SOX5: variants seen among roughly 807,000 people sequenced by gnomAD.
SOX5 encodes SRY-box transcription factor 5, also known as transcription factor SOX-5.
SOX5 carries 9 observed loss-of-function variants against 92.0 expected under a neutral mutation model. The ratio of observed to expected loss-of-function variants is 0.10; its 90% CI spans 0.06 to 0.17. The LOEUF (loss-of-function observed/expected upper bound fraction) is 0.17, where lower values mean the gene tolerates loss of function less well. SOX5 is among the 10% of genes least tolerant of loss of function. The probability of loss-of-function intolerance (pLI) is 1.00; values close to 1 mark genes in which losing one functional copy is unlikely to be tolerated. For missense variants in SOX5, 642 were observed against 944.5 expected (o/e 0.68, Z 4.20); for synonymous variants, 344 against 336.3 (o/e 1.02, Z -0.25).
At chr12:23,866,672 A>C (rs2096818205) in intron 2 of SOX5, among the ~76,000 whole-genome samples, 1 of 152,132 alleles carries the variant, frequency 6.6e-6, no homozygotes, top group African/African-American at 2.4e-5. Flanking sequence ...TCCTCAATAC[A>C]TTTGAGACTA....
intron 4 of SOX5, among the ~76,000 whole-genome samples, chr12:24,040,042 A>C (rs2136979875): frequency 6.6e-6 from 1 of 152,326 alleles, no homozygotes; most frequent in South Asian, 2.1e-4. Flanking sequence ...AAATTACTTA[A>C]AAATTTAATT....
intron 3 of SOX5, among the ~76,000 whole-genome samples, chr12:23,769,691 C>T (rs763233130): frequency 9.2e-5 from 14 of 152,210 alleles, no homozygotes; most frequent in Non-Finnish European, 1.6e-4. Flanking sequence ...TAATAGGGGC[C>T]GGTCTACAAC....
chr12:24,237,853 G>C (rs1354377409), intron 3 of SOX5: 3 of 152,188 alleles, frequency 2.0e-5, no homozygotes, highest in Non-Finnish European at 2.9e-5. Context: ...TCCTAGGACA[G>C]TGGCAGCTTC....
At chr12:23,603,559 A>C (rs2074845614) in intron 9 of SOX5, among the ~76,000 whole-genome samples, 2 of 150,694 alleles carry the variant, frequency 1.3e-5, no homozygotes, top group South Asian at 4.2e-4. Flanking sequence ...AATCTCAAGG[A>C]ATACTGCTTT....
chr12:24,006,831 T>C (rs185217523), intron 4 of SOX5, among the ~76,000 whole-genome samples: 1 of 152,124 alleles, frequency 6.6e-6, no homozygotes, highest in East Asian at 1.9e-4. Context: ...TCTTAGCTGA[T>C]TGGCATTAAT....
At chr12:24,002,569 G>GTTTTTTTTTTTTTTTGTTCTT (rs1555468917) in intron 4 of SOX5, among the ~76,000 whole-genome samples, 3 of 149,088 alleles carry the variant, frequency 2.0e-5, no homozygotes, top group South Asian at 2.1e-4. Flanking sequence ...AATTGAATTA[G>GTTTTTTTTTTTTTTTGTTCTT]TAATTTTCTT....
chr12:23,874,687 G>T (rs936656403), intron 2 of SOX5, among the ~76,000 whole-genome samples: 9 of 152,170 alleles, frequency 5.9e-5, no homozygotes, highest in African/African-American at 2.2e-4. Context: ...TGAATTCCAA[G>T]AGGCACAGGA....
intron 9 of SOX5, among the ~76,000 whole-genome samples, chr12:23,595,030 C>T (rs889226606): frequency 1.3e-5 from 2 of 152,098 alleles, no homozygotes; most frequent in Non-Finnish European, 1.5e-5. Flanking sequence ...CACAAAATTA[C>T]CCATTTGTTT....
intron 3 of SOX5, among the ~76,000 whole-genome samples, chr12:23,809,780 G>A (rs923008063): frequency 2.3e-5 from 2 of 87,062 alleles, no homozygotes; most frequent in East Asian, 2.7e-4. Flanking sequence ...TTTTTTTTTT[G>A]AAAGATTTGA....
intron 2 of SOX5, among the ~76,000 whole-genome samples, chr12:24,321,735 T>C (rs1950227339): frequency 6.6e-6 from 1 of 152,196 alleles, no homozygotes; most frequent in Non-Finnish European, 1.5e-5. Context: ...TTAGGATTAC[T>C]ATAAATAGAA....
chr12:24,180,711 T>A (rs973844759), intron 4 of SOX5, among the ~76,000 whole-genome samples: 17 of 152,242 alleles, frequency 1.1e-4, no homozygotes, highest in African/African-American at 4.1e-4. Context: ...ATACTGCTGT[T>A]ATAAATCATA....
intron 1 of SOX5, among the ~76,000 whole-genome samples, chr12:24,456,972 A>C (rs943973088): frequency 6.6e-6 from 1 of 152,210 alleles, no homozygotes; most frequent in African/African-American, 2.4e-5. Context: ...AAAATTTACA[A>C]TGTCATCCCT....
At chr12:23,694,301 C>T (rs1779232229) in intron 6 of SOX5, among the ~76,000 whole-genome samples, 1 of 152,142 alleles carries the variant, frequency 6.6e-6, no homozygotes, top group Non-Finnish European at 1.5e-5. Flanking sequence ...AATTATGGAA[C>T]AGTCTCAGCT....
intron 4 of SOX5, among the ~76,000 whole-genome samples, chr12:24,022,774 A>G (rs1439115798): frequency 6.6e-6 from 1 of 152,060 alleles, no homozygotes; most frequent in Non-Finnish European, 1.5e-5. Flanking sequence ...TTAATTTTCC[A>G]CTAAATTAAA....
intron 3 of SOX5, among the ~76,000 whole-genome samples, chr12:23,825,732 TAGA>T (rs1366678754): frequency 1.3e-5 from 2 of 152,212 alleles, no homozygotes; most frequent in Non-Finnish European, 2.9e-5. Flanking sequence ...GATAATATTT[TAGA>T]AGGTTTCATA....
chr12:24,409,598 ATGT>A (rs1337824104), intron 1 of SOX5, among the ~76,000 whole-genome samples: 1 of 152,152 alleles, frequency 6.6e-6, no homozygotes, highest in Non-Finnish European at 1.5e-5. Context: ...CGGCAGATGA[ATGT>A]TGTTTTTTCC....
intron 1 of SOX5, among the ~76,000 whole-genome samples, chr12:23,930,109 A>G (rs1232865487): frequency 6.6e-6 from 1 of 151,838 alleles, no homozygotes; most frequent in African/African-American, 2.4e-5. Context: ...GTAAACAACC[A>G]ATAAATGTAA....
intron 1 of SOX5, among the ~76,000 whole-genome samples, chr12:24,418,855 A>G (rs1461248395): frequency 6.6e-6 from 1 of 152,188 alleles, no homozygotes; most frequent in African/African-American, 2.4e-5. Flanking sequence ...GAAGACTACA[A>G]AAACTGGGCA....
intron 3 of SOX5, among the ~76,000 whole-genome samples, chr12:23,760,670 C>T (rs2094538285): frequency 6.6e-6 from 1 of 152,070 alleles, no homozygotes; most frequent in African/African-American, 2.4e-5. Context: ...TTAGGGCCTG[C>T]TCATTCCCTA....
Sources: gnomAD v4.1 joint callset for allele counts (sites outside exome capture counted in the v4.1 genomes callset) on GRCh38, gnomAD v4.1.1 for gene constraint, MANE v1.5 for transcripts, NCBI Gene and HGNC (gene_info 2026-07-23, HGNC 2026-07-21) for gene names.